GFOD2: variants seen among roughly 807,000 people sequenced by gnomAD.
GFOD2 encodes Gfo/Idh/MocA-like oxidoreductase domain containing 2.
GFOD2 carries 9 observed loss-of-function variants against 24.6 expected under a neutral mutation model. The observed-to-expected ratio is 0.37, with a 90% CI of 0.22 to 0.64. The LOEUF (loss-of-function observed/expected upper bound fraction) is 0.64. Among genes scored for constraint, GFOD2 ranks in the 30% least tolerant of loss-of-function variants. GFOD2 has a pLI of 0.65. For synonymous variants in GFOD2, 211 were observed against 224.8 expected, an observed-to-expected ratio of 0.94 and a Z score of 0.55; for missense variants, 476 against 532.5, an observed-to-expected ratio of 0.89 and a Z score of 1.04.
chr16:67,675,438 G>T lies in GFOD2; in HGVS notation c.875C>A (p.Pro292His). Residue 292 changes from proline (P) to histidine (H), a missense_variant, in exon 3 of 3, where the codon CCT (proline) becomes CAT (histidine). By Grantham distance (77) the Pro-to-His change is moderately conservative (BLOSUM62 -2). Coordinates refer to ENST00000268797, the MANE Select transcript of GFOD2 (RefSeq NM_030819.4). ...RDSLAVGAGL[P>H]EQGPQDVPLL... ...CGGGACATCCTGGGGCCCCTGCTCA[G>T]GCAGTCCTGCGCCCACTGCCAGCGA... 6.2e-7 allele frequency: 1 copy of T among 1,612,732 alleles called. No individual in the cohort carries two copies.
At chr16:67,715,640 TCA>T (rs938205459) in intron 1 of GFOD2, among the ~76,000 whole-genome samples, 4 of 152,218 alleles carry the variant, frequency 2.6e-5, no homozygotes. Flanking sequence ...ACTCCAAATT[TCA>T]GTTTGCTTTT....
chr16:67,704,315 C>T (rs1344768740), intron 1 of GFOD2, among the ~76,000 whole-genome samples: 8 of 152,168 alleles, frequency 5.3e-5, no homozygotes, highest in East Asian at 3.8e-4. Flanking sequence ...ATGAGATCAG[C>T]GTAACAACAT....
Position 67,702,137 on chromosome 16 carries a change from C to T in GFOD2, c.-87-16335G>A, listed in dbSNP as rs182149891. On this transcript the variant is annotated intron_variant, in intron 1 of 2. Coordinates refer to ENST00000268797, the MANE Select transcript of GFOD2 (RefSeq NM_030819.4). ...TTTATTTATGGTTGCTTTTGTACCA[C>T]CAACAGCAGAATAGGTACAACAGAA... Among the ~76,000 whole-genome samples, 265 of 152,206 alleles carry T rather than the reference C, an allele frequency of 1.7e-3. 1 individual carries two copies. The highest frequency in any genetic ancestry group is 3.1e-3 in the Non-Finnish European group (211 of 68,022).
chr16:67,690,352 T>C (rs2053302078), intron 1 of GFOD2, among the ~76,000 whole-genome samples: 1 of 152,172 alleles, frequency 6.6e-6, no homozygotes. Flanking sequence ...CTGGTGTTTT[T>C]TGTTGGTTAG....
chr16:67,679,044 G>A (rs565689965), intron 2 of GFOD2, among the ~76,000 whole-genome samples: 1 of 152,244 alleles, frequency 6.6e-6, no homozygotes, highest in African/African-American at 2.4e-5. Flanking sequence ...GCGTGTACCT[G>A]TAGCCCCAGC....
intron 2 of GFOD2, among the ~76,000 whole-genome samples, chr16:67,678,320 T>C (rs1041295679): frequency 4.0e-5 from 6 of 151,690 alleles, no homozygotes; most frequent in Non-Finnish European, 8.8e-5. Context: ...CTACTAAAAA[T>C]ACAAAATTCG....
At position 67,677,201 on chromosome 16, in the gene GFOD2, C is replaced by T. The variant is rs541919473; in HGVS notation, c.260-1148G>A. ...GGTCTTGATACATGATCTGTGCACTCCTCCAAAATTTTCTTTTTAAAAAAA... is the reference window on the plus strand; with the variant it reads ...GGTCTTGATACATGATCTGTGCACTTCTCCAAAATTTTCTTTTTAAAAAAA... On this transcript the variant is annotated intron_variant, in intron 2 of 2. Transcript: ENST00000268797. 21 of 152,210 alleles carry T rather than the reference C, an allele frequency of 1.4e-4. No individual in the cohort carries two copies. The East Asian group carries it at 3.9e-3, about 28-fold the overall frequency. 9.4% of individuals were successfully genotyped at this position (152,210 alleles called of 1,614,324 possible).
intron 2 of GFOD2, chr16:67,680,827 A>C (rs1436900074): frequency 1.0e-6 from 1 of 983,088 alleles, no homozygotes; most frequent in Non-Finnish European, 1.2e-6. Context: ...GGTTTGTTAC[A>C]TATGTATACA....
Position 67,675,893 on chromosome 16 carries a change from G to C in GFOD2, c.420C>G (p.His140Gln), listed in dbSNP as rs748214647. ...CACAGATCATCACCGCTCCCACATAGTGTTCCGAAATCAGCTGTTTCATGC... is the reference window on the plus strand; with the variant it reads ...CACAGATCATCACCGCTCCCACATACTGTTCCGAAATCAGCTGTTTCATGC... Reference protein sequence around the residue: ...FVRMKQLISEHYVGAVMICDA... With the variant: ...FVRMKQLISEQYVGAVMICDA... The change falls in exon 3 of 3, where the codon CAC (histidine) becomes CAG (glutamine). Residue 140 changes from histidine (H) to glutamine (Q), a missense_variant. Physicochemically the swap from His to Gln is conservative, Grantham distance 24. Transcript: ENST00000268797. The C allele has an allele frequency of 6.2e-7, 1 of 1,614,176 alleles. No individual in the cohort carries two copies. The highest frequency in any genetic ancestry group is 8.5e-7 in the Non-Finnish European group (1 of 1,180,042).
intron 1 of GFOD2, among the ~76,000 whole-genome samples, chr16:67,692,560 A>G (rs2053322448): frequency 6.6e-6 from 1 of 151,888 alleles, no homozygotes; most frequent in African/African-American, 2.4e-5. Flanking sequence ...AGCTTGGGTG[A>G]CAGAGCAAGA....
rs574954403 is a variant in GFOD2, at chr16:67,675,462, G to A, written c.851C>T (p.Ser284Leu). ...AGGCAGTCCTGCGCCCACTGCCAGC[G>A]AGTCCCTCAAGAGCAGCTCCTCTTG... ...ATQEELLLRDSLAVGAGLPEQ... is the reference protein window; with the variant it reads ...ATQEELLLRDLLAVGAGLPEQ... The change falls in exon 3 of 3, where the codon TCG (serine) becomes TTG (leucine). Residue 284 changes from serine (S) to leucine (L), a missense_variant. By Grantham distance (145) the Ser-to-Leu change is moderately radical. Transcript: ENST00000268797. 5.1e-5 allele frequency: 82 copies of A among 1,612,210 alleles called. No individual in the cohort carries two copies. In the East Asian group the frequency reaches 1.2e-3, roughly 23 times the overall value.
intron 2 of GFOD2, chr16:67,681,354 A>C (rs1037029687): frequency 1.0e-6 from 1 of 985,206 alleles, no homozygotes; most frequent in African/African-American, 1.7e-5. Context: ...TAGGATAAGG[A>C]ATTCCTGTTT....
chr16:67,678,093 C>T (rs1017275664), intron 2 of GFOD2, among the ~76,000 whole-genome samples: 1 of 152,244 alleles, frequency 6.6e-6, no homozygotes, highest in Non-Finnish European at 1.5e-5. Flanking sequence ...TCTGTTCACA[C>T]AGGCTCAGGA....
rs546933817 is a variant in GFOD2 at position 67,704,016 on chromosome 16, G to A, written c.-88+15147C>T. Among the ~76,000 whole-genome samples the A allele has an allele frequency of 1.2e-3, 181 of 152,328 alleles. 5 individuals carry two copies. In the South Asian group the frequency reaches 0.036, roughly 30 times the overall value. The stretch of plus-strand genomic sequence containing the variant: ...TTCATCCATGTTGTAGCATGTGTCA[G>A]ATTTTCCTTCCTTTTATAAAGGCTG... On this transcript the variant is annotated intron_variant, in intron 1 of 2. Transcript: ENST00000268797.
chr16:67,677,646 C>G (rs924297638), intron 2 of GFOD2: 1 of 152,368 alleles, frequency 6.6e-6, no homozygotes, highest in African/African-American at 2.4e-5. Context: ...TCACGAAATG[C>G]TGAAGGACTG....
At chr16:67,699,007 A>C (rs2053379113) in intron 1 of GFOD2, among the ~76,000 whole-genome samples, 2 of 152,178 alleles carry the variant, frequency 1.3e-5, no homozygotes, top group African/African-American at 4.8e-5. Context: ...ACGTCTCATA[A>C]ACTTAGGCAC....
chr16:67,676,033 A>G lies in GFOD2; in HGVS notation c.280T>C (p.Cys94Arg). The G allele has an allele frequency of 6.2e-7, 1 of 1,611,432 alleles. No individual in the cohort carries two copies. Among genetic ancestry groups the G allele is most frequent in the Non-Finnish European group, 8.5e-7 (1 of 1,178,496 alleles). The change falls in exon 3 of 3, where the codon TGC (cysteine) becomes CGC (arginine). Residue 94 changes from cysteine (C) to arginine (R), a missense_variant. Physicochemically the swap from Cys to Arg is radical, Grantham distance 180 (BLOSUM62 -3). Transcript: ENST00000268797. ...TCCACCGATGTTGCTGCCTTCTCGC[A>G]AACCACATTCTTCCCAATACCTAAC... is the stretch of plus-strand genomic sequence containing the variant. ...KALGIGKNVV[C>R]EKAATSVDAF...
rs931634300 is a variant in GFOD2, at chr16:67,700,789, T to C, written c.-87-14987A>G. On this transcript the variant is annotated intron_variant, in intron 1 of 2. Transcript: ENST00000268797. ...GGCTCATGCCTGTAATCCCAGCACTTTGGGAGGCCGAGGCGGGCGGATCAC... is the reference window on the plus strand; with the variant it reads ...GGCTCATGCCTGTAATCCCAGCACTCTGGGAGGCCGAGGCGGGCGGATCAC... 9.4e-5 allele frequency among the ~76,000 whole-genome samples: 14 copies of C among 148,164 alleles called. No homozygotes were observed. In the Middle Eastern group the frequency reaches 0.012, roughly 127 times the overall value.
intron 1 of GFOD2, among the ~76,000 whole-genome samples, chr16:67,707,123 C>T (rs1417440356): frequency 6.6e-6 from 1 of 151,076 alleles, no homozygotes; most frequent in African/African-American, 2.4e-5. Context: ...CTGTGGGAAG[C>T]CAAGATGGGT....
Sources: allele counts gnomAD v4.1 joint callset (sites outside exome capture counted in the v4.1 genomes callset), GRCh38; gene constraint gnomAD v4.1.1; transcripts MANE v1.5; gene names NCBI Gene and HGNC (gene_info 2026-07-23, HGNC 2026-07-21).